Variants in RANBP3 observed in about 807,000 individuals in gnomAD.
RANBP3 encodes the protein RAN binding protein 3.
Under a neutral mutation model 77.3 loss-of-function variants are expected in RANBP3, and 14 were observed. That is an observed-to-expected ratio of 0.18 (90% CI 0.12 to 0.28). The LOEUF is 0.28. Among genes scored for constraint, RANBP3 ranks in the 10% least tolerant of loss-of-function variants. The probability of loss-of-function intolerance (pLI) is 1.00; values close to 1 mark genes in which losing one functional copy is unlikely to be tolerated. For missense variants in RANBP3, 586 were observed against 752.3 expected (o/e 0.78, Z 2.59); for synonymous variants, 315 against 312.4 (o/e 1.01, Z -0.09).
Position 5,946,291 on chromosome 19 carries a change from A to C in RANBP3, c.283-4456T>G, listed in dbSNP as rs2058203979. 1.3e-5 allele frequency among the ~76,000 whole-genome samples: 2 copies of C among 152,202 alleles called. 1 individual carries two copies. Among genetic ancestry groups the C allele is most frequent in the South Asian group, 4.1e-4 (2 of 4,824 alleles). On this transcript the variant is annotated intron_variant, in intron 3 of 16. Coordinates refer to ENST00000340578, the MANE Select transcript of RANBP3 (RefSeq NM_007322.3). ...ACACCTGCACAGAAGGCACTTGCTGAGGACTTGCTGCGTGGGTGGAGTCCG... is the reference window on the plus strand; with the variant it reads ...ACACCTGCACAGAAGGCACTTGCTGCGGACTTGCTGCGTGGGTGGAGTCCG...
At chr19:5,961,613 A>C (rs1432257017) in intron 1 of RANBP3, among the ~76,000 whole-genome samples, 2 of 152,132 alleles carry the variant, frequency 1.3e-5, no homozygotes, top group Non-Finnish European at 2.9e-5. Flanking sequence ...GCAACCTGTA[A>C]GCCCAGCTAC....
At chr19:5,937,147 C>T (rs527476335) in intron 5 of RANBP3, among the ~76,000 whole-genome samples, 10 of 149,288 alleles carry the variant, frequency 6.7e-5, no homozygotes, top group African/African-American at 1.2e-4. Flanking sequence ...TCACTGGGCG[C>T]GAACACTGGA....
intron 3 of RANBP3, among the ~76,000 whole-genome samples, chr19:5,949,915 C>A (rs2058254083): frequency 6.6e-6 from 1 of 152,202 alleles, no homozygotes; most frequent in African/African-American, 2.4e-5. Context: ...CACTTGTTTG[C>A]TACTCTCATT....
At position 5,958,710 on chromosome 19, in the gene RANBP3, C is replaced by T. The variant is rs1482291488; in HGVS notation, c.23-737G>A. On this transcript the variant is annotated intron_variant, in intron 1 of 16. Transcript: ENST00000340578. This position sits in a 1 kb window ranked among gnomAD's most constrained non-coding sequence, Gnocchi z 4.4. ...GAGGCCCTGCTGCCCGCACAGGAAG[C>T]ACAGATGAGGACTGCCTCGACCCCA... Among the ~76,000 whole-genome samples the T allele has an allele frequency of 1.3e-5, 2 of 152,238 alleles. No homozygotes were observed. The highest frequency in any genetic ancestry group is 2.4e-5 in the African/African-American group (1 of 41,466).
chr19:5,932,683 G>C (rs2058009828), intron 6 of RANBP3, 139 bp from the exon 7 acceptor site: 1 of 626,054 alleles, frequency 1.6e-6, no homozygotes, highest in South Asian at 2.0e-5. Flanking sequence ...AAAAACTTGA[G>C]GTCTTTTTTT....
At chr19:5,939,943 G>T (rs909709444) in intron 5 of RANBP3, among the ~76,000 whole-genome samples, 2 of 152,248 alleles carry the variant, frequency 1.3e-5, no homozygotes, top group African/African-American at 4.8e-5. Flanking sequence ...CACCTGTCAA[G>T]GCTTGTCCAT....
At chr19:5,941,519 G>T in intron 5 of RANBP3, 102 bp downstream of exon 5, 2 of 1,058,052 alleles carry the variant, frequency 1.9e-6, no homozygotes, top group Non-Finnish European at 2.8e-6. Flanking sequence ...TCTAACCGGA[G>T]CTGGGCAGGA....
chr19:5,970,496 A>C (rs1373623706), intron 1 of RANBP3, among the ~76,000 whole-genome samples: 1 of 152,142 alleles, frequency 6.6e-6, no homozygotes, highest in African/African-American at 2.4e-5. Context: ...TTAAGGGGAC[A>C]CTGGACAGTG....
chr19:5,958,665 C>A lies in RANBP3; in HGVS notation c.23-692G>T, dbSNP rs921363357. Among the ~76,000 whole-genome samples, 4 of 152,222 alleles carry A rather than the reference C, an allele frequency of 2.6e-5. No homozygotes were observed. Among genetic ancestry groups the A allele is most frequent in the African/African-American group, 4.8e-5 (2 of 41,468 alleles). On this transcript the variant is annotated intron_variant, in intron 1 of 16. Coordinates refer to ENST00000340578, the MANE Select transcript of RANBP3 (RefSeq NM_007322.3). This position sits in a 1 kb window ranked among gnomAD's most constrained non-coding sequence, Gnocchi z 4.4. ...TCCACAGCCCTGTGCCACTCAGCCC[C>A]GGAGTGGGTGGCAGCCCAGGAGGCC...
At chr19:5,965,133 A>T (rs1311125294) in intron 1 of RANBP3, among the ~76,000 whole-genome samples, 1 of 150,982 alleles carries the variant, frequency 6.6e-6, no homozygotes, top group Non-Finnish European at 1.5e-5. Flanking sequence ...GTCTCTGAGG[A>T]GGTGGGGGGC....
chr19:5,945,762 T>A (rs563368493), intron 3 of RANBP3, among the ~76,000 whole-genome samples: 1 of 152,134 alleles, frequency 6.6e-6, no homozygotes. Context: ...ATGCCATGGA[T>A]GCTCTCCCCA....
intron 3 of RANBP3, among the ~76,000 whole-genome samples, chr19:5,949,610 G>T (rs1016742470): frequency 2.6e-5 from 4 of 152,188 alleles, no homozygotes; most frequent in African/African-American, 9.6e-5. Flanking sequence ...CTCCAATCCT[G>T]GCTCTCCCAC....
chr19:5,917,918 G>A lies in RANBP3; in HGVS notation c.1536C>T (p.Arg512=), dbSNP rs1198359902. 1 of 1,612,734 alleles carries A rather than the reference G, an allele frequency of 6.2e-7. No individual in the cohort carries two copies. Among genetic ancestry groups the A allele is most frequent in the Non-Finnish European group, 8.5e-7 (1 of 1,179,810 alleles). The part of the protein sequence containing the change: ...AALHHRILAL[R]SRVEQEQEAK... ...CCTCCTGCTCCTGCTCCACGCGGCT[G>A]CGCAGGGCCAGGATGCGGTGGTGCA... The change falls in exon 16 of 17, where the codon CGC becomes CGT. Residue 512 remains arginine, a synonymous_variant. Transcript: ENST00000340578.
chr19:5,923,776 C>T, intron 12 of RANBP3, 36 bp downstream of exon 12: 1 of 1,534,784 alleles, frequency 6.5e-7, no homozygotes, highest in Non-Finnish European at 9.0e-7. Context: ...AGATGACCTA[C>T]CATGAGCCCC....
At chr19:5,945,945 C>T (rs1246886960) in intron 3 of RANBP3, among the ~76,000 whole-genome samples, 1 of 151,958 alleles carries the variant, frequency 6.6e-6, no homozygotes, top group Non-Finnish European at 1.5e-5. Context: ...TTAGCTCTAG[C>T]CCCCCGAGAA....
intron 5 of RANBP3, among the ~76,000 whole-genome samples, chr19:5,939,421 C>T (rs1051411810): frequency 1.3e-5 from 2 of 152,148 alleles, no homozygotes; most frequent in African/African-American, 4.8e-5. Context: ...CTTTAAATGC[C>T]CGCTGAAGAT....
chr19:5,939,174 A>T (rs2058102537), intron 5 of RANBP3, among the ~76,000 whole-genome samples: 1 of 152,200 alleles, frequency 6.6e-6, no homozygotes, highest in Admixed American at 6.5e-5. Context: ...AAAAAGAGTG[A>T]AAGTCTGTCT....
chr19:5,943,209 T>C (rs1305556524), intron 3 of RANBP3, among the ~76,000 whole-genome samples: 1 of 152,200 alleles, frequency 6.6e-6, no homozygotes, highest in Admixed American at 6.5e-5. Context: ...AAAATGCTCC[T>C]CAGAGGTCAA....
intron 14 of RANBP3, among the ~76,000 whole-genome samples, chr19:5,919,012 G>A (rs1235877907): frequency 1.3e-5 from 2 of 152,224 alleles, no homozygotes; most frequent in Non-Finnish European, 2.9e-5. Context: ...GTACGGGGTG[G>A]GCTGCGGGAG....
Sources: allele counts gnomAD v4.1 joint callset (sites outside exome capture counted in the v4.1 genomes callset), GRCh38; gene constraint gnomAD v4.1.1; non-coding constraint Gnocchi (gnomAD v3.1); transcripts MANE v1.5; gene names NCBI Gene and HGNC (gene_info 2026-07-23, HGNC 2026-07-21).